Variants in MYLK4 observed in about 807,000 individuals in gnomAD.
The protein encoded by MYLK4 is caMLCK like.
Under a neutral mutation model 48.1 loss-of-function variants are expected in MYLK4, and 46 were observed. That is an observed-to-expected ratio of 0.96 (90% CI 0.75 to 1.22). The LOEUF (loss-of-function observed/expected upper bound fraction) is 1.22, where lower values mean the gene tolerates loss of function less well. MYLK4 is among the 50% of genes most tolerant of loss of function. MYLK4 has a pLI of 0.00. For missense variants in MYLK4, 451 were observed against 486.1 expected (o/e 0.93, Z 0.68); for synonymous variants, 170 against 180.8 (o/e 0.94, Z 0.48).
At chr6:2,679,525 C>G (rs2113113545) in intron 8 of MYLK4, 117 bp from the exon 9 acceptor site, 1 of 1,277,830 alleles carries the variant, frequency 7.8e-7, no homozygotes, top group Middle Eastern at 1.9e-4. Flanking sequence ...TTCAGACAAA[C>G]AAACATTGAA....
upstream of MYLK4, among the ~76,000 whole-genome samples, chr6:2,754,740 A>G (rs1414577789): frequency 6.6e-6 from 1 of 152,184 alleles, no homozygotes; most frequent in Admixed American, 6.6e-5. Flanking sequence ...AGAGGAAAAA[A>G]CTGAACACTT....
chr6:2,742,730 AG>A (rs1763940826), intron 2 of MYLK4, among the ~76,000 whole-genome samples: 1 of 76,862 alleles, frequency 1.3e-5, no homozygotes, highest in Non-Finnish European at 2.4e-5. Flanking sequence ...GGGTGGGGGG[AG>A]GGGGGAGGGA....
rs529285091 is a variant in MYLK4 at position 2,691,032 on chromosome 6, G to T, written c.235+1752C>A. ...TTTTAAATAGAGACGGGGTTTCACC[G>T]TGTTAGCCAGGATGGTCTCCATCTC... On this transcript the variant is annotated intron_variant, in intron 3 of 12. Transcript: ENST00000274643. Among the ~76,000 whole-genome samples, 4 of 151,946 alleles carry T rather than the reference G, an allele frequency of 2.6e-5. No individual in the cohort carries two copies. In the East Asian group the frequency reaches 7.7e-4, roughly 29 times the overall value.
the MYLK4 span, chr6:2,766,319 C>G: frequency 6.2e-7 from 1 of 1,610,600 alleles, no homozygotes; most frequent in Non-Finnish European, 8.5e-7. Flanking sequence ...CACGATGCGT[C>G]CTGACACGCT....
intron 10 of MYLK4, among the ~76,000 whole-genome samples, chr6:2,677,081 C>A (rs991439650): frequency 6.6e-6 from 1 of 152,124 alleles, no homozygotes; most frequent in Admixed American, 6.5e-5. Flanking sequence ...TCCCTCCTGT[C>A]GGACTGATAC....
At chr6:2,682,939 A>C in intron 7 of MYLK4, 82 bp downstream of exon 7, 1 of 1,491,920 alleles carries the variant, frequency 6.7e-7, no homozygotes. Flanking sequence ...CAATTTCCCC[A>C]GCTGGCATAT....
chr6:2,762,959 C>T, the MYLK4 span, among the ~76,000 whole-genome samples: 1 of 152,116 alleles, frequency 6.6e-6, no homozygotes, highest in Non-Finnish European at 1.5e-5. Flanking sequence ...CAAACACCAG[C>T]TAATGCAAAA....
rs1222452170 is a variant in MYLK4 at position 2,669,529 on chromosome 6, A to T, written c.*26-1630T>A. 2.0e-5 allele frequency among the ~76,000 whole-genome samples: 3 copies of T among 151,992 alleles called. No individual in the cohort carries two copies. In the East Asian group the frequency reaches 5.8e-4, roughly 29 times the overall value. On this transcript the variant is annotated intron_variant, in intron 12 of 12. Coordinates refer to ENST00000274643, the MANE Select transcript of MYLK4 (RefSeq NM_001012418.5). ...GGCCTCCAGAGTGGCTCCGGTCCTTATGGTGGGAAGGTGGTTTGTGGCAAA... is the reference window on the plus strand; with the variant it reads ...GGCCTCCAGAGTGGCTCCGGTCCTTTTGGTGGGAAGGTGGTTTGTGGCAAA...
intron 12 of MYLK4, among the ~76,000 whole-genome samples, chr6:2,668,638 C>T (rs9405575): frequency 0.15 from 22,253 of 152,200 alleles, 2,266 homozygotes; most frequent in East Asian, 0.44. Context: ...CATCATAATA[C>T]ATCCTGCCAT....
chr6:2,674,497 C>G (rs905933179), intron 11 of MYLK4, among the ~76,000 whole-genome samples: 21 of 152,228 alleles, frequency 1.4e-4, no homozygotes, highest in African/African-American at 4.8e-4. Flanking sequence ...ATAATGGATA[C>G]AATAATTTAA....
In MYLK4 at chr6:2,714,135, G is replaced by A. The variant is rs147845596; in HGVS notation, c.160-21276C>T. Among the ~76,000 whole-genome samples the A allele has an allele frequency of 3.9e-4, 59 of 152,268 alleles. 1 individual carries two copies. The East Asian group carries it at 9.8e-3, about 25-fold the overall frequency. ...TGGAATTGAGGTAGGAGACCAGCAG[G>A]ACTTGTTTCCAGGACCCGGTCAGAG... On this transcript the variant is annotated intron_variant, in intron 2 of 12. Coordinates refer to ENST00000274643, the MANE Select transcript of MYLK4 (RefSeq NM_001012418.5).
At chr6:2,725,799 G>A (rs1297480093) in intron 2 of MYLK4, among the ~76,000 whole-genome samples, 1 of 152,160 alleles carries the variant, frequency 6.6e-6, no homozygotes, top group Non-Finnish European at 1.5e-5. Flanking sequence ...TTCAAAGTAC[G>A]TCCAAATTTA....
intron 2 of MYLK4, among the ~76,000 whole-genome samples, chr6:2,739,377 A>C (rs1439647685): frequency 6.6e-6 from 1 of 152,240 alleles, no homozygotes; most frequent in Non-Finnish European, 1.5e-5. Context: ...GGGTGAGTCC[A>C]TCTGACTTTT....
At position 2,747,518 on chromosome 6, in the gene MYLK4, T is replaced by C. The variant is rs556206474; in HGVS notation, c.159+1618A>G. On this transcript the variant is annotated intron_variant, in intron 2 of 12. Transcript: ENST00000274643. ...GTGCCACCATGCCCGCTATTTTATT[T>C]GTATTTTTTTATTTTTGTAGAAATA... Among the ~76,000 whole-genome samples, 7 of 152,186 alleles carry C rather than the reference T, an allele frequency of 4.6e-5. No homozygotes were observed. In the East Asian group the frequency reaches 1.2e-3, roughly 25 times the overall value.
At position 2,672,792 on chromosome 6, in the gene MYLK4, G is replaced by A. The variant is rs529956435; in HGVS notation, c.1120-1444C>T. Among the ~76,000 whole-genome samples, 3 of 152,212 alleles carry A rather than the reference G, an allele frequency of 2.0e-5. No individual in the cohort carries two copies. The highest frequency in any genetic ancestry group is 2.1e-4 in the South Asian group (1 of 4,818). On this transcript the variant is annotated intron_variant, in intron 11 of 12. Coordinates refer to ENST00000274643, the MANE Select transcript of MYLK4 (RefSeq NM_001012418.5). This position sits in a 1 kb window ranked among gnomAD's most constrained non-coding sequence, Gnocchi z 4.3. ...CCCCTGTACCCAGCAGCCCATCACC[G>A]GCAGGAGAGCAGAGCAGTGAGGCTC...
Position 2,683,153 on chromosome 6 carries a change from A to C in MYLK4, c.555T>G (p.Gly185=), listed in dbSNP as rs1582037859. 1 of 1,613,988 alleles carries C rather than the reference A, an allele frequency of 6.2e-7. No homozygotes were observed. ...CGATGATGCGGTCAAACAGCTCCCC[A>C]CCATCCACACTGCAGAGGGAAGAGG... ...DIVLVMEYVD[G]GELFDRIIDE... The change falls in exon 7 of 13, where the codon GGT becomes GGG. Residue 185 remains glycine, a synonymous_variant. Transcript: ENST00000274643.
chr6:2,770,231 G>C, the MYLK4 span: 3 of 1,614,074 alleles, frequency 1.9e-6, no homozygotes, highest in Non-Finnish European at 2.5e-6. Context: ...TCGAGTGATT[G>C]TTCTTGAGAA....
At chr6:2,765,478 G>A in the MYLK4 span, 1 of 1,058,678 alleles carries the variant, frequency 9.4e-7, no homozygotes, top group African/African-American at 1.7e-5. Context: ...AGGCATGAGC[G>A]GCGCCCTCCT....
intron 2 of MYLK4, among the ~76,000 whole-genome samples, chr6:2,694,500 G>GTGGTGA (rs1761948904): frequency 1.7e-5 from 1 of 60,216 alleles, no homozygotes; most frequent in Non-Finnish European, 3.5e-5. Context: ...CATGGTGGTG[G>GTGGTGA]TGGTGGTGGT....
Sources: allele counts gnomAD v4.1 joint callset (sites outside exome capture counted in the v4.1 genomes callset), GRCh38; gene constraint gnomAD v4.1.1; non-coding constraint Gnocchi (gnomAD v3.1); transcripts MANE v1.5; gene names NCBI Gene and HGNC (gene_info 2026-07-23, HGNC 2026-07-21).